Variants in ERCC6L2 observed in about 807,000 individuals in gnomAD.
ERCC6L2 encodes the protein ERCC excision repair 6 like 2.
Under a neutral mutation model 132.0 loss-of-function variants are expected in ERCC6L2, and 77 were observed. The ratio of observed to expected loss-of-function variants is 0.58; its 90% CI spans 0.49 to 0.71. The LOEUF (loss-of-function observed/expected upper bound fraction) is 0.71, where lower values mean the gene tolerates loss of function less well. ERCC6L2 is among the 30% of genes least tolerant of loss of function. The pLI, the probability that ERCC6L2 is intolerant of heterozygous loss-of-function variation, is 0.00. For synonymous variants in ERCC6L2, 583 were observed against 632.4 expected, an observed-to-expected ratio of 0.92 and a Z score of 1.17; for missense variants, 1,542 against 1,837.6, an observed-to-expected ratio of 0.84 and a Z score of 2.94.
chr9:96,004,782 T>A, intron 18 of ERCC6L2, 81 bp downstream of exon 18: 1 of 913,706 alleles, frequency 1.1e-6, no homozygotes, highest in Non-Finnish European at 1.5e-6. Context: ...TGTAAATACT[T>A]GAATTATAAC....
At chr9:95,977,032 G>A (rs1832700266) in intron 16 of ERCC6L2, among the ~76,000 whole-genome samples, 1 of 151,864 alleles carries the variant, frequency 6.6e-6, no homozygotes, top group Non-Finnish European at 1.5e-5. Context: ...TTAGGTTTGA[G>A]GAATTATTGC....
intron 9 of ERCC6L2, among the ~76,000 whole-genome samples, 171 bp downstream of exon 9, chr9:95,923,550 G>A (rs1038211965): frequency 2.0e-5 from 3 of 152,264 alleles, no homozygotes; most frequent in South Asian, 2.1e-4. Flanking sequence ...TATGAACCCC[G>A]AATACAGATG....
chr9:95,948,857 A>G (rs1327064700), intron 12 of ERCC6L2, among the ~76,000 whole-genome samples: 2 of 152,042 alleles, frequency 1.3e-5, no homozygotes, highest in African/African-American at 4.8e-5. Flanking sequence ...GAGTAACAAA[A>G]TAAATCTCTA....
chr9:96,021,573 C>G (rs1834290604), downstream of ERCC6L2: 1 of 162,780 alleles, frequency 6.1e-6, no homozygotes. This position sits in a 1 kb window ranked among gnomAD's most constrained non-coding sequence, Gnocchi z 4.7. Context: ...CGAGTGCCTC[C>G]TTTGCTCTCA....
intron 17 of ERCC6L2, among the ~76,000 whole-genome samples, chr9:95,999,195 C>T (rs1833571509): frequency 6.6e-6 from 1 of 152,036 alleles, no homozygotes; most frequent in Non-Finnish European, 1.5e-5. Flanking sequence ...CCCCTCTCTA[C>T]TAAAAATACA....
chr9:96,033,641 A>G (rs1834488272), intron 19 of ERCC6L2, among the ~76,000 whole-genome samples: 1 of 152,184 alleles, frequency 6.6e-6, no homozygotes, highest in South Asian at 2.1e-4. Context: ...CATTACCCCC[A>G]GGAGGCTGGG....
intron 17 of ERCC6L2, among the ~76,000 whole-genome samples, chr9:95,985,980 C>T (rs1261760503): frequency 1.3e-5 from 2 of 152,152 alleles, no homozygotes; most frequent in East Asian, 3.8e-4. Flanking sequence ...CATGCTTAGG[C>T]CTTCCAAGCC....
chr9:95,971,600 GT>G (rs1413151414), intron 15 of ERCC6L2: 1 of 166,326 alleles, frequency 6.0e-6, no homozygotes, highest in African/African-American at 2.4e-5. Flanking sequence ...TAAGCAGTAA[GT>G]TGTATGCTTT....
chr9:95,949,050 A>G (rs921762272), intron 12 of ERCC6L2, among the ~76,000 whole-genome samples: 3 of 152,022 alleles, frequency 2.0e-5, no homozygotes, highest in African/African-American at 7.2e-5. Context: ...AAAAAAAGAG[A>G]GAGAACCAAA....
Position 96,017,709 on chromosome 9 carries a change from C to T in ERCC6L2, c.*4506C>T, listed in dbSNP as rs955065866. On this transcript the variant is annotated 3_prime_UTR_variant, in exon 19 of 19. Transcript: ENST00000653738. ...CCCCACCACGACTTCCAGCGCCCCC[C>T]ATCTCTGTATGCAGCTGAGCTCATG... Among the ~76,000 whole-genome samples, 1 of 152,210 alleles carries T rather than the reference C, an allele frequency of 6.6e-6. No homozygotes were observed. The highest frequency in any genetic ancestry group is 2.4e-5 in the African/African-American group (1 of 41,460).
At chr9:95,877,589 G>A (rs1827347155) in intron 1 of ERCC6L2, among the ~76,000 whole-genome samples, 2 of 151,996 alleles carry the variant, frequency 1.3e-5, no homozygotes, top group Admixed American at 6.6e-5. Context: ...GGAAGCTTAG[G>A]CGGGAGGATA....
chr9:95,950,638 G>C, intron 12 of ERCC6L2, among the ~76,000 whole-genome samples: 1 of 152,094 alleles, frequency 6.6e-6, no homozygotes, highest in East Asian at 1.9e-4. Flanking sequence ...GAAAATAAAA[G>C]CATGGAAAAA....
chr9:95,952,036 C>T (rs946963082), intron 12 of ERCC6L2, among the ~76,000 whole-genome samples: 16 of 151,520 alleles, frequency 1.1e-4, no homozygotes, highest in Admixed American at 1.3e-4. Context: ...GGCGTGGTGG[C>T]GTGTGCCTGT....
rs1829549535 is a variant in ERCC6L2 at position 95,915,688 on chromosome 9, T to C, written c.809T>C (p.Ile270Thr). The part of the protein sequence containing the change: ...ELNSLEWSAV[I>T]VDEAHRIKNP... The stretch of plus-strand genomic sequence containing the variant: ...TATAGTTTGGAATGGTCAGCTGTCA[T>C]TGTGGATGAAGCTCATAGAATCAAG... Residue 270 changes from isoleucine (I) to threonine (T), a missense_variant, in exon 5 of 19, where the codon ATT (isoleucine) becomes ACT (threonine). Around this residue, in one of 4 missense-constraint regions of ERCC6L2, gnomAD observed 945 missense variants for 1,105.2 expected, o/e 0.86. Coordinates refer to ENST00000653738, the MANE Select transcript of ERCC6L2 (RefSeq NM_020207.7). The C allele has an allele frequency of 6.2e-7, 1 of 1,613,052 alleles. No individual in the cohort carries two copies. The highest frequency in any genetic ancestry group is 2.2e-5 in the East Asian group (1 of 44,838).
chr9:95,957,247 G>C (rs1381406362), intron 13 of ERCC6L2, among the ~76,000 whole-genome samples: 1 of 152,102 alleles, frequency 6.6e-6, no homozygotes, highest in Non-Finnish European at 1.5e-5. Context: ...TATATGTTCA[G>C]TTGGCATCTA....
chr9:95,953,732 A>G (rs975566211), intron 12 of ERCC6L2, among the ~76,000 whole-genome samples: 6 of 152,108 alleles, frequency 3.9e-5, no homozygotes, highest in African/African-American at 1.4e-4. Context: ...AGAATTATAC[A>G]CATTATTACA....
At chr9:95,978,330 A>G (rs1588014084) in intron 17 of ERCC6L2, 115 bp downstream of exon 17, 2 of 559,630 alleles carry the variant, frequency 3.6e-6, no homozygotes, top group South Asian at 2.5e-5. Flanking sequence ...TGTAAGTGAC[A>G]TACAAATAAG....
chr9:96,030,144 T>C (rs1238249184), intron 19 of ERCC6L2, among the ~76,000 whole-genome samples: 2 of 152,138 alleles, frequency 1.3e-5, no homozygotes, highest in Non-Finnish European at 2.9e-5. Flanking sequence ...CATCGCTCCG[T>C]GGCTAGCTAG....
chr9:96,001,197 A>C (rs569511572), intron 17 of ERCC6L2, among the ~76,000 whole-genome samples: 1 of 152,288 alleles, frequency 6.6e-6, no homozygotes, highest in East Asian at 1.9e-4. Context: ...AAGAGTGAGC[A>C]GTAGCAAGAT....
Sources: gnomAD v4.1 joint callset for allele counts (sites outside exome capture counted in the v4.1 genomes callset) on GRCh38, gnomAD v4.1.1 for gene constraint, gnomAD v4.1.1 regional missense constraint, Gnocchi (gnomAD v3.1) non-coding constraint, MANE v1.5 for transcripts, NCBI Gene and HGNC (gene_info 2026-07-23, HGNC 2026-07-21) for gene names.